Variants in SNRK observed in about 807,000 individuals in gnomAD.
SNRK encodes SNF-related serine/threonine-protein kinase.
In SNRK, 3 loss-of-function variants were observed where a neutral mutation model predicts 48.2. The observed-to-expected ratio is 0.06, with a 90% CI of 0.03 to 0.16. SNRK has a LOEUF of 0.16. Among genes scored for constraint, SNRK ranks in the 10% least tolerant of loss-of-function variants. The pLI is 1.00. For missense variants in SNRK, 627 were observed against 976.0 expected (o/e 0.64, Z 4.76); for synonymous variants, 376 against 366.1 (o/e 1.03, Z -0.31).
At position 43,348,552 on chromosome 3, in the gene SNRK, A is replaced by T. The variant is rs1448921885; in HGVS notation, c.2293A>T (p.Ile765Phe). The change falls in exon 7 of 7, where the codon ATC becomes TTC. Residue 765 changes from isoleucine to phenylalanine, a missense_variant. By Grantham distance (21) the Ile-to-Phe change is conservative. Around this residue, in one of 4 missense-constraint regions of SNRK, gnomAD observed 207 missense variants for 234.3 expected, o/e 0.88. Coordinates refer to ENST00000296088, the MANE Select transcript of SNRK (RefSeq NM_017719.5). ...ASSPASCCHV[I>F] Reference sequence around the variant, plus strand: ...CAGCCCAGCCAGCTGTTGCCATGTCATCTGACTGTGGCCCCATCTGGCCGC... The same window carrying T: ...CAGCCCAGCCAGCTGTTGCCATGTCTTCTGACTGTGGCCCCATCTGGCCGC... 6.5e-7 allele frequency: 1 copy of T among 1,533,492 alleles called. No homozygotes were observed. Among genetic ancestry groups the T allele is most frequent in the Admixed American group, 2.1e-5 (1 of 46,658 alleles). 95.0% of individuals were successfully genotyped at this position (1,533,492 alleles called of 1,614,324 possible).
In SNRK at chr3:43,303,113, T is replaced by C. The variant is rs2090910522; in HGVS notation, c.-91T>C. 1.1e-6 allele frequency: 1 copy of C among 911,400 alleles called. No homozygotes were observed. The highest frequency in any genetic ancestry group is 1.7e-5 in the African/African-American group (1 of 59,748). The allele number at this position is 911,400 out of a possible 1,614,324, so 56.5% of individuals were successfully genotyped here. ...TATTTTGTAGATATCCATGACGACA[T>C]TGAAAATGAATTTTTTGTATTCACC... On this transcript the variant is annotated 5_prime_UTR_variant, in exon 3 of 7. Transcript: ENST00000296088. The surrounding 1 kb of genome is among the most constrained non-coding windows in gnomAD (Gnocchi z 6.2).
At position 43,303,280 on chromosome 3, in the gene SNRK, A is replaced by G. The variant is rs780505511; in HGVS notation, c.77A>G (p.His26Arg). The G allele has an allele frequency of 2.5e-6, 4 of 1,614,206 alleles. No homozygotes were observed. The highest frequency in any genetic ancestry group is 1.7e-5 in the Admixed American group (1 of 60,028). ...YDLDKTLGRG[H>R]FAVVKLARHV... The stretch of plus-strand genomic sequence containing the variant: ...CTGGATAAAACCTTGGGTCGAGGCC[A>G]TTTTGCCGTGGTTAAACTTGCCAGG... The change falls in exon 3 of 7, where the codon CAT (histidine) becomes CGT (arginine). Residue 26 changes from histidine to arginine, a missense_variant. Transcript: ENST00000296088. This position sits in a 1 kb window ranked among gnomAD's most constrained non-coding sequence, Gnocchi z 6.2.
chr3:43,335,525 TG>T (rs149875775), intron 4 of SNRK, among the ~76,000 whole-genome samples: 65 of 152,342 alleles, frequency 4.3e-4, no homozygotes, highest in African/African-American at 1.5e-3. Context: ...CTTTTTGTTC[TG>T]GAAAATAGTG....
intron 1 of SNRK, among the ~76,000 whole-genome samples, chr3:43,290,380 C>G (rs1393554604): frequency 6.6e-6 from 1 of 152,216 alleles, no homozygotes; most frequent in Non-Finnish European, 1.5e-5. Context: ...AAATCCTCTA[C>G]TTTCTGCTAG....
intron 3 of SNRK, among the ~76,000 whole-genome samples, chr3:43,312,165 A>G: frequency 6.6e-6 from 1 of 152,196 alleles, no homozygotes. Flanking sequence ...TGAAATATTC[A>G]GTCTCTGCAT....
chr3:43,311,684 A>G (rs947143876), intron 3 of SNRK, among the ~76,000 whole-genome samples: 8 of 152,132 alleles, frequency 5.3e-5, no homozygotes, highest in Non-Finnish European at 1.0e-4. Flanking sequence ...GAGACAAGGC[A>G]ATGAACCTGT....
chr3:43,341,367 G>A (rs1473408933), intron 5 of SNRK, among the ~76,000 whole-genome samples: 3 of 152,084 alleles, frequency 2.0e-5, no homozygotes, highest in Non-Finnish European at 2.9e-5. Context: ...TAGCCAGGAT[G>A]GTCTCGATCT....
intron 3 of SNRK, among the ~76,000 whole-genome samples, chr3:43,324,335 C>A (rs2091078545): frequency 6.6e-6 from 1 of 152,002 alleles, no homozygotes; most frequent in Non-Finnish European, 1.5e-5. Flanking sequence ...TGGTGAAACC[C>A]CGTCTCTAAT....
intron 3 of SNRK, among the ~76,000 whole-genome samples, chr3:43,321,989 T>C (rs576816494): frequency 6.6e-6 from 1 of 152,372 alleles, no homozygotes; most frequent in African/African-American, 2.4e-5. Flanking sequence ...TGATTATATC[T>C]CAGCACCTAG....
intron 3 of SNRK, 123 bp from the exon 4 acceptor site, chr3:43,332,046 T>A: frequency 1.5e-6 from 1 of 679,046 alleles, no homozygotes; most frequent in Non-Finnish European, 2.2e-6. Flanking sequence ...CCTTCATGGA[T>A]GTTTGTACTT....
chr3:43,318,195 G>A (rs575553305), intron 3 of SNRK, among the ~76,000 whole-genome samples: 3 of 152,248 alleles, frequency 2.0e-5, no homozygotes, highest in African/African-American at 4.8e-5. Flanking sequence ...GTTGGCTGCC[G>A]TGGGAAAATG....
chr3:43,336,361 T>C (rs1207258927), intron 4 of SNRK, among the ~76,000 whole-genome samples: 3 of 151,764 alleles, frequency 2.0e-5, no homozygotes, highest in African/African-American at 7.3e-5. Context: ...AGGGTCTTGC[T>C]TTGTTGCCCA....
intron 4 of SNRK, among the ~76,000 whole-genome samples, chr3:43,335,887 C>T (rs1417679228): frequency 6.6e-6 from 1 of 152,222 alleles, no homozygotes; most frequent in Admixed American, 6.5e-5. Flanking sequence ...CTTCTGTTGG[C>T]TACCATTTGT....
chr3:43,336,228 C>T (rs1385466272), intron 4 of SNRK, among the ~76,000 whole-genome samples: 1 of 147,580 alleles, frequency 6.8e-6, no homozygotes, highest in African/African-American at 2.5e-5. Context: ...CCCTTTCCTT[C>T]CTCCCCTCTC....
At chr3:43,321,688 C>A (rs925456335) in intron 3 of SNRK, among the ~76,000 whole-genome samples, 1 of 152,188 alleles carries the variant, frequency 6.6e-6, no homozygotes, top group Non-Finnish European at 1.5e-5. Context: ...AAATCATCAT[C>A]AAAAACTTAA....
In SNRK at chr3:43,348,167, C is replaced by T. The variant is rs761363391; in HGVS notation, c.1908C>T (p.Ala636=). The T allele has an allele frequency of 1.9e-6, 3 of 1,586,788 alleles. No homozygotes were observed. Among genetic ancestry groups the T allele is most frequent in the South Asian group, 2.3e-5 (2 of 86,606 alleles). ...CAGPSNSMQL[A]SRSAGELVES... ...GCCCCAGCAACTCCATGCAGCTGGC[C>T]TCTCGCAGTGCTGGGGAGCTCGTTG... The change falls in exon 7 of 7, where the codon GCC becomes GCT. Residue 636 remains alanine, a synonymous_variant. Coordinates refer to ENST00000296088, the MANE Select transcript of SNRK (RefSeq NM_017719.5).
chr3:43,298,331 G>T (rs2090872492), intron 1 of SNRK, among the ~76,000 whole-genome samples: 1 of 152,020 alleles, frequency 6.6e-6, no homozygotes, highest in Admixed American at 6.5e-5. Context: ...ATGAAACAGG[G>T]GCTGCTGGAA....
intron 4 of SNRK, chr3:43,333,287 A>C (rs1171975786): frequency 1.6e-5 from 2 of 126,230 alleles, no homozygotes; most frequent in Non-Finnish European, 3.1e-5. Flanking sequence ...TGAACCCTGG[A>C]GGTGGAGCTT....
chr3:43,321,172 T>G (rs2091050643), intron 3 of SNRK, among the ~76,000 whole-genome samples: 1 of 152,162 alleles, frequency 6.6e-6, no homozygotes, highest in African/African-American at 2.4e-5. Context: ...TCAAAATGAA[T>G]TTATTAATTA....
Sources: gnomAD v4.1 joint callset for allele counts (sites outside exome capture counted in the v4.1 genomes callset) on GRCh38, gnomAD v4.1.1 for gene constraint, gnomAD v4.1.1 regional missense constraint, Gnocchi (gnomAD v3.1) non-coding constraint, MANE v1.5 for transcripts, NCBI Gene and HGNC (gene_info 2026-07-23, HGNC 2026-07-21) for gene names.